MYLK4: variants seen among roughly 807,000 people sequenced by gnomAD.
MYLK4 encodes the protein myosin light chain kinase family member 4.
MYLK4 carries 46 observed loss-of-function variants against 48.1 expected under a neutral mutation model. That is an observed-to-expected ratio of 0.96 (90% CI 0.75 to 1.22). The LOEUF is 1.22. Among genes scored for constraint, MYLK4 ranks in the 50% most tolerant of loss-of-function variants. The pLI, the probability that MYLK4 is intolerant of heterozygous loss-of-function variation, is 0.00. For synonymous variants in MYLK4, 170 were observed against 180.8 expected (o/e 0.94, Z 0.48); for missense variants, 451 against 486.1 (o/e 0.93, Z 0.68).
intron 10 of MYLK4, 39 bp downstream of exon 10, chr6:2,678,181 T>C (rs888211576): frequency 6.2e-6 from 10 of 1,604,746 alleles, no homozygotes; most frequent in African/African-American, 1.3e-5. Flanking sequence ...TTCCTTATCA[T>C]CCCTACTGCG....
chr6:2,731,997 A>G (rs1264900590), intron 2 of MYLK4, among the ~76,000 whole-genome samples: 1 of 152,136 alleles, frequency 6.6e-6, no homozygotes, highest in Non-Finnish European at 1.5e-5. Flanking sequence ...TTTCTGCACA[A>G]ACTTAAGTGA....
chr6:2,726,091 G>C (rs1348958540), intron 2 of MYLK4, among the ~76,000 whole-genome samples: 2 of 152,152 alleles, frequency 1.3e-5, no homozygotes, highest in Non-Finnish European at 2.9e-5. Context: ...CCCTTTGTCT[G>C]GCTGACTTCT....
chr6:2,678,150 A>T (rs1341548597), intron 10 of MYLK4, 70 bp downstream of exon 10: 12 of 1,538,784 alleles, frequency 7.8e-6, no homozygotes, highest in Non-Finnish European at 1.1e-5. Context: ...AAATTCGAAC[A>T]GCCCTGGTGG....
rs34108358 is a variant in MYLK4 at position 2,749,807 on chromosome 6, T to TCC, written c.-112-403_-112-402dup. Among the ~76,000 whole-genome samples, 179 of 152,308 alleles carry TCC rather than the reference T, an allele frequency of 1.2e-3. 3 individuals are homozygous for TCC. Among genetic ancestry groups the TCC allele is most frequent in the African/African-American group, 4.2e-3 (174 of 41,566 alleles). On this transcript the variant is annotated intron_variant, in intron 1 of 12. Coordinates refer to ENST00000274643, the MANE Select transcript of MYLK4 (RefSeq NM_001012418.5). ...AGGGGTCTCTCTGCTTCCCCTGGCCTCCCTCTGCAGAGGGATCGCTCCCGA... is the reference window on the plus strand; with the variant it reads ...AGGGGTCTCTCTGCTTCCCCTGGCCTCCCCCTCTGCAGAGGGATCGCTCCCGA...
chr6:2,727,851 G>A (rs2113313059), intron 2 of MYLK4, among the ~76,000 whole-genome samples: 1 of 151,700 alleles, frequency 6.6e-6, no homozygotes, highest in South Asian at 2.1e-4. Context: ...GGAGGCTGAG[G>A]CAGGAGAATC....
chr6:2,678,101 A>T (rs981342928), intron 10 of MYLK4, 119 bp downstream of exon 10: 14 of 1,297,904 alleles, frequency 1.1e-5, no homozygotes, highest in Non-Finnish European at 1.5e-5. Context: ...CATTCTATCC[A>T]TGACTTTGCG....
chr6:2,679,226 C>T, intron 9 of MYLK4, 54 bp downstream of exon 9: 1 of 1,605,962 alleles, frequency 6.2e-7, no homozygotes, highest in South Asian at 1.1e-5. Flanking sequence ...GGCAAAACCT[C>T]AGAAAATATG....
chr6:2,747,491 G>A (rs1410699441), intron 2 of MYLK4, among the ~76,000 whole-genome samples: 2 of 152,084 alleles, frequency 1.3e-5, no homozygotes, highest in East Asian at 3.9e-4. Flanking sequence ...GACTACAGAT[G>A]TGTGCCACCA....
chr6:2,733,323 G>A (rs1467498472), intron 2 of MYLK4, among the ~76,000 whole-genome samples: 1 of 152,204 alleles, frequency 6.6e-6, no homozygotes, highest in Non-Finnish European at 1.5e-5. Flanking sequence ...AGGCAGAAGA[G>A]TTATGGTGGA....
the MYLK4 span, chr6:2,768,781 G>T: frequency 6.2e-7 from 1 of 1,613,956 alleles, no homozygotes; most frequent in Non-Finnish European, 8.5e-7. Context: ...GACAAATGAT[G>T]TGCGAGATGT....
intron 1 of MYLK4, among the ~76,000 whole-genome samples, chr6:2,750,065 G>A: frequency 6.6e-6 from 1 of 152,014 alleles, no homozygotes; most frequent in East Asian, 1.9e-4. Context: ...TTTGATACTA[G>A]AGACATATAC....
At chr6:2,668,561 C>A (rs1481620219) in intron 12 of MYLK4, among the ~76,000 whole-genome samples, 1 of 152,162 alleles carries the variant, frequency 6.6e-6, no homozygotes, top group African/African-American at 2.4e-5. Context: ...GGAACTCTTT[C>A]TTTTACAACA....
chr6:2,724,828 G>T (rs1354651021), intron 2 of MYLK4, among the ~76,000 whole-genome samples: 1 of 152,132 alleles, frequency 6.6e-6, no homozygotes, highest in East Asian at 1.9e-4. Flanking sequence ...AATTCAAGAA[G>T]CACAATTTTC....
chr6:2,741,986 T>C (rs548111763), intron 2 of MYLK4, among the ~76,000 whole-genome samples: 1 of 152,054 alleles, frequency 6.6e-6, no homozygotes, highest in Non-Finnish European at 1.5e-5. Context: ...CAGCGAAAAA[T>C]GATTAACACT....
chr6:2,764,712 T>C, the MYLK4 span, among the ~76,000 whole-genome samples: 1 of 152,176 alleles, frequency 6.6e-6, no homozygotes, highest in Non-Finnish European at 1.5e-5. Context: ...GGCTGGTGTT[T>C]CCGATTTGCC....
the MYLK4 span, among the ~76,000 whole-genome samples, chr6:2,758,423 C>T: frequency 1.3e-5 from 2 of 151,064 alleles, no homozygotes; most frequent in South Asian, 4.2e-4. Flanking sequence ...GTATACATGA[C>T]ATATAATATG....
intron 2 of MYLK4, among the ~76,000 whole-genome samples, chr6:2,722,105 T>C (rs1262521725): frequency 6.6e-6 from 1 of 152,218 alleles, no homozygotes; most frequent in East Asian, 1.9e-4. Context: ...AATCCTCAGA[T>C]ACCAGCTGTG....
chr6:2,770,059 T>C, the MYLK4 span: 2 of 1,604,106 alleles, frequency 1.2e-6, no homozygotes, highest in Non-Finnish European at 1.7e-6. Flanking sequence ...CCAACTTACA[T>C]AGGATTCTGC....
At chr6:2,770,106 C>T in the MYLK4 span, 4 of 1,611,980 alleles carry the variant, frequency 2.5e-6, no homozygotes, top group Admixed American at 1.7e-5. Context: ...TTTCTGTTTT[C>T]CTCCCATGAT....
Sources: gnomAD v4.1 joint callset for allele counts (sites outside exome capture counted in the v4.1 genomes callset) on GRCh38, gnomAD v4.1.1 for gene constraint, MANE v1.5 for transcripts, NCBI Gene and HGNC (gene_info 2026-07-23, HGNC 2026-07-21) for gene names.